Variants in EMILIN3 observed in about 807,000 individuals in gnomAD.
EMILIN3 encodes the protein elastin microfibril interfacer 3.
In EMILIN3, 38 loss-of-function variants were observed where a neutral mutation model predicts 42.8. The observed-to-expected ratio is 0.89, with a 90% CI of 0.69 to 1.16. EMILIN3 has a LOEUF of 1.16. Among genes scored for constraint, EMILIN3 ranks in the 50% most tolerant of loss-of-function variants. The probability of loss-of-function intolerance (pLI) is 0.00; values close to 1 mark genes in which losing one functional copy is unlikely to be tolerated. For synonymous variants in EMILIN3, 430 were observed against 440.5 expected (o/e 0.98, Z 0.30); for missense variants, 924 against 999.5 (o/e 0.92, Z 1.02).
chr20:41,362,464 G>A lies in EMILIN3; in HGVS notation c.1105C>T (p.Leu369=). ...ELALRQELSQ[L]GSQLQGLSVS... Reference sequence around the variant, plus strand: ...CTCAGGCCCTGCAGCTGGCTGCCCAGCTGTGACAGCTCCTGGCGCAGGGCC... The same window carrying A: ...CTCAGGCCCTGCAGCTGGCTGCCCAACTGTGACAGCTCCTGGCGCAGGGCC... The change falls in exon 4 of 4, where the codon CTG becomes TTG. Residue 369 remains leucine (L), a synonymous_variant. Transcript: ENST00000332312. 3 of 1,599,868 alleles carry A rather than the reference G, an allele frequency of 1.9e-6. No individual in the cohort carries two copies. The highest frequency in any genetic ancestry group is 2.7e-5 in the African/African-American group (2 of 75,056).
rs868360375 is a variant in EMILIN3, at chr20:41,362,976, C to A, written c.593G>T (p.Gly198Val). 6.2e-7 allele frequency: 1 copy of A among 1,612,796 alleles called. No individual in the cohort carries two copies. The highest frequency in any genetic ancestry group is 8.5e-7 in the Non-Finnish European group (1 of 1,179,394). ...GDVQRLAQTYGTLSGLVASHE... is the reference protein window; with the variant it reads ...GDVQRLAQTYVTLSGLVASHE... The stretch of plus-strand genomic sequence containing the variant: ...GCTAGCCACCAGGCCACTGAGGGTA[C>A]CATATGTTTGAGCCAGGCGCTGGAC... The change falls in exon 4 of 4, where the codon GGT becomes GTT. Residue 198 changes from glycine (G) to valine (V), a missense_variant. Gly to Val is a moderately radical substitution (Grantham distance 109). Transcript: ENST00000332312.
At position 41,366,443 on chromosome 20, in the gene EMILIN3, C is replaced by CCGCCCGCCGCCCGCCCG; in HGVS notation, c.167+8_167+24dup. On this transcript the variant is annotated intron_variant, in intron 1 of 3. Coordinates refer to ENST00000332312, the MANE Select transcript of EMILIN3 (RefSeq NM_052846.2). The surrounding 1 kb of genome is among the most constrained non-coding windows in gnomAD (Gnocchi z 4.2). ...CGCGCGGGCCCATCCCTCCCTCTTC[C>CCGCCCGCCGCCCGCCCG]CGCCCGCCGCCCGCCCGCGCTTACT... The CCGCCCGCCGCCCGCCCG allele has an allele frequency of 9.0e-7, 1 of 1,114,528 alleles. No homozygotes were observed. Among genetic ancestry groups the CCGCCCGCCGCCCGCCCG allele is most frequent in the Non-Finnish European group, 1.1e-6 (1 of 913,396 alleles). The allele number at this position is 1,114,528 out of a possible 1,614,324, so 69.0% of individuals were successfully genotyped here. A position where few individuals can be genotyped will look rare whatever the true frequency, so the allele number is the denominator to read the frequency against.
In EMILIN3 at chr20:41,362,002, G is replaced by C. The variant is rs1429154279; in HGVS notation, c.1567C>G (p.Pro523Ala). ...TCCAGGATGGCTGAGGTGGTGCTCG[G>C]GGTGCACGAAGTCTCCAGTGAGACC... ...RLVSLETSCT[P>A]STTSAILDSL... is the part of the protein sequence containing the mutation. The change falls in exon 4 of 4, where the codon CCG becomes GCG. Residue 523 changes from proline (P) to alanine (A), a missense_variant. Coordinates refer to ENST00000332312, the MANE Select transcript of EMILIN3 (RefSeq NM_052846.2). 4 of 1,611,672 alleles carry C rather than the reference G, an allele frequency of 2.5e-6. No individual in the cohort carries two copies. Among genetic ancestry groups the C allele is most frequent in the Non-Finnish European group, 3.4e-6 (4 of 1,178,180 alleles).
At position 41,361,508 on chromosome 20, in the gene EMILIN3, T is replaced by C. The variant is rs1300635166; in HGVS notation, c.2061A>G (p.Gly687=). 3.7e-6 allele frequency: 6 copies of C among 1,610,494 alleles called. No individual in the cohort carries two copies. The South Asian group carries it at 6.6e-5, about 18-fold the overall frequency. Residue 687 remains glycine, a synonymous_variant, in exon 4 of 4, where the codon GGA becomes GGG. Transcript: ENST00000332312. ...DTAQKLQHTV[G]HFDQRVAQVE... ...CTTGTGCCACCCGCTGGTCAAAGTG[T>C]CCCACTGTGTGCTGAAGTTTCTGGG...
Position 41,361,309 on chromosome 20 carries a change from C to A in EMILIN3, c.2260G>T (p.Ala754Ser). The A allele has an allele frequency of 2.5e-6, 4 of 1,603,044 alleles. No homozygotes were observed. Among genetic ancestry groups the A allele is most frequent in the Non-Finnish European group, 2.6e-6 (3 of 1,171,920 alleles). ...RLRDDLLDCQ[A>S]QLAEQVRPGQ... ...GGCCGCACCTGCTCAGCCAGCTGGG[C>A]CTGGCAGTCCAGTAGGTCATCCCGG... The change falls in exon 4 of 4, where the codon GCC (alanine) becomes TCC (serine). Residue 754 changes from alanine (A) to serine (S), a missense_variant. By Grantham distance (99) the Ala-to-Ser change is moderately conservative. Coordinates refer to ENST00000332312, the MANE Select transcript of EMILIN3 (RefSeq NM_052846.2).
In EMILIN3 at chr20:41,361,360, G is replaced by A; in HGVS notation, c.2209C>T (p.Gln737Ter). The change falls in exon 4 of 4, where the codon CAG becomes TAG. Residue 737 changes from glutamine (Q) to a stop codon, truncating the protein, a stop_gained. Transcript: ENST00000332312. LOFTEE classifies it high-confidence loss of function. ...AGGCGGGCAATGTCCTGCGTGTGCT[G>A]GGCCAGCGTACGATTCAGCTGGTCC... ...HVDQLNRTLA[Q>*]HTQDIARLRD... The A allele has an allele frequency of 6.2e-7, 1 of 1,613,016 alleles. No individual in the cohort carries two copies. Among genetic ancestry groups the A allele is most frequent in the Non-Finnish European group, 8.5e-7 (1 of 1,179,504 alleles).
chr20:41,361,515 G>A lies in EMILIN3; in HGVS notation c.2054C>T (p.Thr685Ile), dbSNP rs1301883553. The A allele has an allele frequency of 1.2e-6, 2 of 1,612,794 alleles. No individual in the cohort carries two copies. The highest frequency in any genetic ancestry group is 1.7e-6 in the Non-Finnish European group (2 of 1,179,618). Residue 685 changes from threonine (T) to isoleucine (I), a missense_variant, in exon 4 of 4, where the codon ACA becomes ATA. Thr to Ile is a moderately conservative substitution (Grantham distance 89, BLOSUM62 -1). Coordinates refer to ENST00000332312, the MANE Select transcript of EMILIN3 (RefSeq NM_052846.2). The stretch of plus-strand genomic sequence containing the variant: ...CACCCGCTGGTCAAAGTGTCCCACT[G>A]TGTGCTGAAGTTTCTGGGCTGTGTC... Reference protein sequence around the residue: ...CQDTAQKLQHTVGHFDQRVAQ... With the variant: ...CQDTAQKLQHIVGHFDQRVAQ...
At position 41,362,223 on chromosome 20, in the gene EMILIN3, G is replaced by A; in HGVS notation, c.1346C>T (p.Ala449Val). The change falls in exon 4 of 4, where the codon GCA becomes GTA. Residue 449 changes from alanine to valine, a missense_variant. Coordinates refer to ENST00000332312, the MANE Select transcript of EMILIN3 (RefSeq NM_052846.2). ...GTCCAACCTCAGACAGCATCCCCTT[G>A]CTCCACCCTCTGTCCCATTGAGCGT... ...LETLNGTEGG[A>V]RGCCLRLDMG... 1 of 1,612,640 alleles carries A rather than the reference G, an allele frequency of 6.2e-7. No homozygotes were observed. The highest frequency in any genetic ancestry group is 8.5e-7 in the Non-Finnish European group (1 of 1,179,704).
chr20:41,366,036 C>G lies in EMILIN3; in HGVS notation c.167+432G>C, dbSNP rs1346642277. On this transcript the variant is annotated intron_variant, in intron 1 of 3. Coordinates refer to ENST00000332312, the MANE Select transcript of EMILIN3 (RefSeq NM_052846.2). The surrounding 1 kb of genome is among the most constrained non-coding windows in gnomAD (Gnocchi z 4.2). Reference sequence around the variant, plus strand: ...GCTGACTGCGAGAGGGCAGCGGCCGCCCGGATGCGCAGCTCTATCTCCTAC... The same window carrying G: ...GCTGACTGCGAGAGGGCAGCGGCCGGCCGGATGCGCAGCTCTATCTCCTAC... Among the ~76,000 whole-genome samples, 1 of 152,158 alleles carries G rather than the reference C, an allele frequency of 6.6e-6. No individual in the cohort carries two copies. Among genetic ancestry groups the G allele is most frequent in the African/African-American group, 2.4e-5 (1 of 41,446 alleles).
At position 41,362,087 on chromosome 20, in the gene EMILIN3, A is replaced by T. The variant is rs140201049; in HGVS notation, c.1482T>A (p.Ser494=). Residue 494 remains serine, a synonymous_variant, in exon 4 of 4, where the codon TCT becomes TCA. Coordinates refer to ENST00000332312, the MANE Select transcript of EMILIN3 (RefSeq NM_052846.2). ...CAAGGGGCCGAGCTGACCTGCCCGG[A>T]GAGGCGCTGTCATGGCTTAGCTCCC... The part of the protein sequence containing the change: ...LAGELSHDSA[S]PGRSARPLVQ... The T allele has an allele frequency of 1.2e-4, 192 of 1,606,840 alleles. No homozygotes were observed. The African/African-American group carries it at 2.2e-3, about 19-fold the overall frequency.
Position 41,366,656 on chromosome 20 carries a change from C to G in EMILIN3, c.-22G>C. 1.0e-6 allele frequency: 1 copy of G among 1,003,890 alleles called. No individual in the cohort carries two copies. The highest frequency in any genetic ancestry group is 4.5e-5 in the South Asian group (1 of 22,104). The allele number at this position is 1,003,890 out of a possible 1,614,324, so 62.2% of individuals were successfully genotyped here. A position where few individuals can be genotyped will look rare whatever the true frequency, so the allele number is the denominator to read the frequency against. On this transcript the variant is annotated 5_prime_UTR_variant, in exon 1 of 4. Coordinates refer to ENST00000332312, the MANE Select transcript of EMILIN3 (RefSeq NM_052846.2). This position sits in a 1 kb window ranked among gnomAD's most constrained non-coding sequence, Gnocchi z 4.2. Reference sequence around the variant, plus strand: ...CCATAGCGGCCCCCGCGCCTCTGCCCGGCCCCGCGCGGTGCCCCCCGCCGG... The same window carrying G: ...CCATAGCGGCCCCCGCGCCTCTGCCGGGCCCCGCGCGGTGCCCCCCGCCGG...
Position 41,365,074 on chromosome 20 carries a change from C to T in EMILIN3, c.251G>A (p.Arg84Gln), listed in dbSNP as rs765312703. 4.4e-5 allele frequency: 71 copies of T among 1,613,928 alleles called. No homozygotes were observed. Among genetic ancestry groups the T allele is most frequent in the Admixed American group, 3.7e-4 (22 of 59,996 alleles). ...GCACTTGGGCCCCCATCTACACTGC[C>T]GGTATTCAGCCTTTACGTAGCTCTC... is the stretch of plus-strand genomic sequence containing the variant. ...GAESYVKAEY[R>Q]QCRWGPKCPG... The change falls in exon 2 of 4, where the codon CGG (arginine) becomes CAG (glutamine). Residue 84 changes from arginine (R) to glutamine (Q), a missense_variant. Coordinates refer to ENST00000332312, the MANE Select transcript of EMILIN3 (RefSeq NM_052846.2).
Position 41,361,019 on chromosome 20 carries a change from C to T in EMILIN3, c.*249G>A. 1 of 479,600 alleles carries T rather than the reference C, an allele frequency of 2.1e-6. No homozygotes were observed. The highest frequency in any genetic ancestry group is 3.7e-6 in the Non-Finnish European group (1 of 271,924). 29.7% of individuals were successfully genotyped at this position (479,600 alleles called of 1,614,324 possible). A position where few individuals can be genotyped will look rare whatever the true frequency, so the allele number is the denominator to read the frequency against. ...TTGCTGACAGTGGAATGTGAACTCTCTCAAGTCTACCCTGGCCTTCAAGCA... is the reference window on the plus strand; with the variant it reads ...TTGCTGACAGTGGAATGTGAACTCTTTCAAGTCTACCCTGGCCTTCAAGCA... On this transcript the variant is annotated 3_prime_UTR_variant, in exon 4 of 4. Transcript: ENST00000332312.
In EMILIN3 at chr20:41,362,911, G is replaced by A; in HGVS notation, c.658C>T (p.Pro220Ser). The A allele has an allele frequency of 6.2e-7, 1 of 1,613,590 alleles. No individual in the cohort carries two copies. Among genetic ancestry groups the A allele is most frequent in the South Asian group, 1.1e-5 (1 of 91,076 alleles). Residue 220 changes from proline to serine, a missense_variant, in exon 4 of 4, where the codon CCT (proline) becomes TCT (serine). Pro to Ser is a moderately conservative substitution (Grantham distance 74, BLOSUM62 -1). Transcript: ENST00000332312. ...PNRMTGGPRA[P>S]AVPVGFGVIP... ...ACCCCAAAGCCCACAGGGACAGCAG[G>A]AGCCCTGGGGCCACCAGTCATCCTG...
In EMILIN3 at chr20:41,366,441, T is replaced by C. The variant is rs1014547987; in HGVS notation, c.167+27A>G. On this transcript the variant is annotated intron_variant, in intron 1 of 3. Transcript: ENST00000332312. The surrounding 1 kb of genome is among the most constrained non-coding windows in gnomAD (Gnocchi z 4.2). The stretch of plus-strand genomic sequence containing the variant: ...CGCGCGCGGGCCCATCCCTCCCTCT[T>C]CCCGCCCGCCGCCCGCCCGCGCTTA... 1.8e-6 allele frequency: 2 copies of C among 1,108,002 alleles called. No individual in the cohort carries two copies. Among genetic ancestry groups the C allele is most frequent in the Non-Finnish European group, 2.2e-6 (2 of 909,896 alleles). The allele number at this position is 1,108,002 out of a possible 1,614,324, so 68.6% of individuals were successfully genotyped here.
intron 2 of EMILIN3, 99 bp from the exon 3 acceptor site, chr20:41,363,960 C>T (rs2046381380): frequency 1.8e-6 from 2 of 1,137,790 alleles, no homozygotes. Flanking sequence ...TTGCATAAGG[C>T]TGGGTATCTC....
In EMILIN3 at chr20:41,361,258, G is replaced by T; in HGVS notation, c.*10C>A. 1 of 1,570,224 alleles carries T rather than the reference G, an allele frequency of 6.4e-7. No individual in the cohort carries two copies. The highest frequency in any genetic ancestry group is 1.2e-5 in the South Asian group (1 of 86,034). On this transcript the variant is annotated 3_prime_UTR_variant, in exon 4 of 4. Transcript: ENST00000332312. ...GGTGGGATCTAGGGGTTGGGTCCTG[G>T]CCAGCCTGTCTAGTTGGCTTGCCCT...
chr20:41,363,938 G>A (rs1021198926), intron 2 of EMILIN3, 77 bp from the exon 3 acceptor site: 12 of 1,396,506 alleles, frequency 8.6e-6, no homozygotes, highest in East Asian at 4.6e-5. Context: ...ACTCAGGGCC[G>A]CCCTCAGACA....
chr20:41,361,111 TG>T lies in EMILIN3; in HGVS notation c.*156del. On this transcript the variant is annotated 3_prime_UTR_variant, in exon 4 of 4. Transcript: ENST00000332312. Reference sequence around the variant, plus strand: ...CTGCAGCACTGTGCATGGGTTTTGGTGGCTGGGACAGCCACGTGGAGGATTC... The same window carrying T: ...CTGCAGCACTGTGCATGGGTTTTGGTGCTGGGACAGCCACGTGGAGGATTC... 1 of 697,368 alleles carries T rather than the reference TG, an allele frequency of 1.4e-6. No homozygotes were observed. Among genetic ancestry groups the T allele is most frequent in the Non-Finnish European group, 2.3e-6 (1 of 430,102 alleles). 43.2% of individuals were successfully genotyped at this position (697,368 alleles called of 1,614,324 possible). A position where few individuals can be genotyped will look rare whatever the true frequency, so the allele number is the denominator to read the frequency against.
Sources: allele counts gnomAD v4.1 joint callset (sites outside exome capture counted in the v4.1 genomes callset), GRCh38; gene constraint gnomAD v4.1.1; non-coding constraint Gnocchi (gnomAD v3.1); transcripts MANE v1.5; gene names NCBI Gene and HGNC (gene_info 2026-07-23, HGNC 2026-07-21).